SPECC1L: variants seen among roughly 807,000 people sequenced by gnomAD.
SPECC1L encodes the protein sperm antigen with calponin homology and coiled-coil domains 1 like, also known as cytospin-A.
A neutral mutation model predicts 116.8 loss-of-function variants in SPECC1L; 40 were observed. The observed-to-expected ratio is 0.34, with a 90% CI of 0.27 to 0.45. The LOEUF (loss-of-function observed/expected upper bound fraction) is 0.45. Ranked by LOEUF, SPECC1L falls within the 20% of genes least tolerant of loss-of-function variation. SPECC1L has a pLI of 1.00. For synonymous variants in SPECC1L, 504 were observed against 500.6 expected, an observed-to-expected ratio of 1.01 and a Z score of -0.09; for missense variants, 1,110 against 1,373.6, an observed-to-expected ratio of 0.81 and a Z score of 3.03.
At chr22:24,279,828 TCAG>T (rs1306189789) in intron 2 of SPECC1L, among the ~76,000 whole-genome samples, 1 of 152,228 alleles carries the variant, frequency 6.6e-6, no homozygotes, top group Non-Finnish European at 1.5e-5. Context: ...TCTGCCCGCC[TCAG>T]CCTCCCAAAG....
At chr22:24,343,598 C>T in intron 10 of SPECC1L, 1 of 361,068 alleles carries the variant, frequency 2.8e-6, no homozygotes, top group Non-Finnish European at 5.4e-6. Flanking sequence ...GTAGCTGGGA[C>T]TACAGGTGCG....
At chr22:24,402,000 C>T (rs577906965) in intron 14 of SPECC1L, among the ~76,000 whole-genome samples, 3 of 152,226 alleles carry the variant, frequency 2.0e-5, no homozygotes, top group East Asian at 1.9e-4. Flanking sequence ...CTACCTCGGC[C>T]GCCTGCCCTG....
intron 2 of SPECC1L, among the ~76,000 whole-genome samples, chr22:24,284,866 C>T (rs1308395077): frequency 1.3e-5 from 2 of 152,172 alleles, no homozygotes; most frequent in Admixed American, 1.3e-4. Context: ...GTCAAGAAAG[C>T]CTGATAAAAG....
intron 8 of SPECC1L, among the ~76,000 whole-genome samples, chr22:24,333,463 T>C (rs1405292705): frequency 6.6e-6 from 1 of 152,066 alleles, no homozygotes; most frequent in Non-Finnish European, 1.5e-5. Flanking sequence ...GAATTTAGAA[T>C]GGGCCAGAAA....
intron 10 of SPECC1L, among the ~76,000 whole-genome samples, chr22:24,344,592 CAAAAAAAAAAA>C (rs35725042): frequency 8.5e-6 from 1 of 117,938 alleles, no homozygotes; most frequent in Non-Finnish European, 1.8e-5. Context: ...TGCATAAGAC[CAAAAAAAAAAA>C]AAAAAAAGAA....
intron 8 of SPECC1L, among the ~76,000 whole-genome samples, chr22:24,333,102 C>G (rs2040971284): frequency 1.3e-5 from 2 of 152,102 alleles, no homozygotes. Context: ...GTGGCACATG[C>G]CTGTAATCCC....
At chr22:24,346,050 G>A (rs1173132065) in intron 10 of SPECC1L, among the ~76,000 whole-genome samples, 3 of 149,064 alleles carry the variant, frequency 2.0e-5, no homozygotes, top group South Asian at 2.1e-4. Context: ...AATGTCACCC[G>A]GGCTGGAGTG....
intron 14 of SPECC1L, among the ~76,000 whole-genome samples, chr22:24,392,838 C>G (rs1488730227): frequency 6.6e-6 from 1 of 152,198 alleles, no homozygotes; most frequent in Non-Finnish European, 1.5e-5. Context: ...CTCAGTGCCA[C>G]TGGAGAGGTG....
chr22:24,297,030 G>A lies in SPECC1L; in HGVS notation c.-37-5165G>A, dbSNP rs1034025246. Among the ~76,000 whole-genome samples the A allele has an allele frequency of 2.1e-4, 31 of 148,126 alleles. No homozygotes were observed. In the East Asian group the frequency reaches 5.1e-3, roughly 24 times the overall value. On this transcript the variant is annotated intron_variant, in intron 2 of 16. Coordinates refer to ENST00000314328, the MANE Select transcript of SPECC1L (RefSeq NM_015330.6). ...GTGTGATCCCAGCTCACTGCAACCC[G>A]GGTTCAAGCGATTGTCCTGCCTCAG...
chr22:24,347,229 C>T, intron 11 of SPECC1L, 53 bp downstream of exon 11: 3 of 1,439,128 alleles, frequency 2.1e-6, no homozygotes, highest in South Asian at 1.1e-5. Context: ...TTGAATTGTT[C>T]TGGCTTTTTT....
chr22:24,322,969 T>A, intron 5 of SPECC1L, 51 bp downstream of exon 5: 1 of 1,607,594 alleles, frequency 6.2e-7, no homozygotes, highest in South Asian at 1.1e-5. Context: ...GCAGCTGCCA[T>A]GCACAGTGTT....
intron 10 of SPECC1L, among the ~76,000 whole-genome samples, chr22:24,344,354 AC>A (rs1373308263): frequency 6.6e-6 from 1 of 151,650 alleles, no homozygotes; most frequent in African/African-American, 2.4e-5. Flanking sequence ...AAAAAAAAAA[AC>A]ATTAATCTCA....
intron 3 of SPECC1L, among the ~76,000 whole-genome samples, chr22:24,304,675 T>A (rs1433814819): frequency 6.6e-6 from 1 of 152,224 alleles, no homozygotes; most frequent in Non-Finnish European, 1.5e-5. Context: ...TGATGATAAT[T>A]TTTTCTAAAA....
Position 24,276,822 on chromosome 22 carries a change from A to G in SPECC1L, c.-38+19A>G, listed in dbSNP as rs573533888. 6.6e-6 allele frequency: 3 copies of G among 451,486 alleles called. No homozygotes were observed. The highest frequency in any genetic ancestry group is 6.0e-5 in the African/African-American group (3 of 49,928). 28.0% of individuals were successfully genotyped at this position (451,486 alleles called of 1,614,324 possible). ...AATCACAGTGAGACCTTTTCTCCCA[A>G]TAAATGCCCCTTTTCTCTCCTTAAT... On this transcript the variant is annotated intron_variant, in intron 2 of 16. Coordinates refer to ENST00000314328, the MANE Select transcript of SPECC1L (RefSeq NM_015330.6).
intron 10 of SPECC1L, among the ~76,000 whole-genome samples, chr22:24,339,414 T>C (rs936059914): frequency 2.0e-5 from 3 of 152,248 alleles, no homozygotes; most frequent in Non-Finnish European, 4.4e-5. Context: ...CAGGTCATTA[T>C]TGATACATTA....
intron 14 of SPECC1L, among the ~76,000 whole-genome samples, chr22:24,409,121 G>A (rs1325935728): frequency 2.6e-5 from 4 of 152,230 alleles, no homozygotes; most frequent in Non-Finnish European, 5.9e-5. Context: ...TGTAAACTTT[G>A]TAAGATTCTG....
chr22:24,382,146 G>A (rs1328307837), intron 14 of SPECC1L, among the ~76,000 whole-genome samples: 1 of 152,162 alleles, frequency 6.6e-6, no homozygotes, highest in African/African-American at 2.4e-5. Flanking sequence ...TATCTTTGAA[G>A]GCATTGGGGA....
At chr22:24,388,755 T>G (rs998702414) in intron 14 of SPECC1L, among the ~76,000 whole-genome samples, 11 of 150,460 alleles carry the variant, frequency 7.3e-5, no homozygotes, top group African/African-American at 2.7e-4. Context: ...GATTAAGACA[T>G]CAACAGCTTA....
intron 2 of SPECC1L, among the ~76,000 whole-genome samples, chr22:24,280,698 C>A (rs373349677): frequency 1.3e-5 from 2 of 152,062 alleles, no homozygotes; most frequent in African/African-American, 4.8e-5. Flanking sequence ...CCACCTCAGC[C>A]TTCCAGGTAG....
Sources: allele counts gnomAD v4.1 joint callset (sites outside exome capture counted in the v4.1 genomes callset), GRCh38; gene constraint gnomAD v4.1.1; transcripts MANE v1.5; gene names NCBI Gene and HGNC (gene_info 2026-07-23, HGNC 2026-07-21).